Variants in WSCD1 observed in about 807,000 individuals in gnomAD.
WSCD1 encodes the protein WSC domain sialate O sulfotransferase 1.
In WSCD1, 41 loss-of-function variants were observed where a neutral mutation model predicts 60.4. The observed-to-expected ratio is 0.68, with a 90% CI of 0.53 to 0.88. The LOEUF is 0.88. Among genes scored for constraint, WSCD1 ranks in the 40% least tolerant of loss-of-function variants. The pLI, the probability that WSCD1 is intolerant of heterozygous loss-of-function variation, is 0.00. For missense variants in WSCD1, 784 were observed against 796.2 expected, an observed-to-expected ratio of 0.98 and a Z score of 0.18; for synonymous variants, 361 against 332.5, an observed-to-expected ratio of 1.09 and a Z score of -0.93.
chr17:6,110,037 G>T lies in WSCD1; in HGVS notation c.1009+271G>T, dbSNP rs976893016. 6.6e-6 allele frequency among the ~76,000 whole-genome samples: 1 copy of T among 152,180 alleles called. No individual in the cohort carries two copies. ...GATGACAATGGTAAGAGGATGAACA[G>T]AGAGGGGCAGGTCCTAGAGAGATAG... On this transcript the variant is annotated intron_variant, in intron 6 of 8. Transcript: ENST00000317744. This position sits in a 1 kb window ranked among gnomAD's most constrained non-coding sequence, Gnocchi z 4.8.
chr17:6,073,202 G>A (rs935153277), intron 1 of WSCD1, among the ~76,000 whole-genome samples: 6 of 152,232 alleles, frequency 3.9e-5, no homozygotes, highest in Admixed American at 6.5e-5. Flanking sequence ...TTGTCCACCT[G>A]TATCCAACTC....
chr17:6,094,199 A>C (rs534389349), intron 4 of WSCD1, among the ~76,000 whole-genome samples: 1 of 152,356 alleles, frequency 6.6e-6, no homozygotes, highest in South Asian at 2.1e-4. Flanking sequence ...GTTCAGCTCC[A>C]AGGAAGCCAG....
Position 6,120,519 on chromosome 17 carries a change from G to A in WSCD1, c.1586G>A (p.Arg529Gln), listed in dbSNP as rs773251981. The A allele has an allele frequency of 4.0e-5, 64 of 1,613,642 alleles. No individual in the cohort carries two copies. Among genetic ancestry groups the A allele is most frequent in the Middle Eastern group, 1.6e-4 (1 of 6,084 alleles). ...GAGAACAACAAGGAGGGCAGCTTCC[G>A]GCGGCGCGGCCGGCGCTCCCACGAC... ...CVENNKEGSF[R>Q]RRGRRSHDPE... is the part of the protein sequence containing the mutation. Residue 529 changes from arginine (R) to glutamine (Q), a missense_variant, in exon 9 of 9, where the codon CGG becomes CAG. Physicochemically the swap from Arg to Gln is conservative, Grantham distance 43. Transcript: ENST00000317744.
intron 1 of WSCD1, 120 bp downstream of exon 1, chr17:6,070,772 C>G (rs1908487670): frequency 6.6e-6 from 1 of 151,586 alleles, no homozygotes; most frequent in Non-Finnish European, 1.5e-5. Flanking sequence ...GGGGCTGCAC[C>G]TGCTCCGGCT....
chr17:6,070,409 T>TGCCCGCCCCGGCTCCGC lies in WSCD1; in HGVS notation c.-523_-507dup, dbSNP rs968911301. ...GCCCGGCGCCCGCTCGCCCGCCCGC[T>TGCCCGCCCCGGCTCCGC]GCCCGCCCCGGCTCCGCGCCCGCCC... is the stretch of plus-strand genomic sequence containing the variant. On this transcript the variant is annotated 5_prime_UTR_variant, in exon 1 of 9. Transcript: ENST00000317744. 3.4e-5 allele frequency: 5 copies of TGCCCGCCCCGGCTCCGC among 145,664 alleles called. No homozygotes were observed. The highest frequency in any genetic ancestry group is 6.8e-5 in the Admixed American group (1 of 14,644). The allele number at this position is 145,664 out of a possible 1,614,324, so 9.0% of individuals were successfully genotyped here. A position where few individuals can be genotyped will look rare whatever the true frequency, so the allele number is the denominator to read the frequency against.
Position 6,110,941 on chromosome 17 carries a change from T to C in WSCD1, c.1174+6T>C. The C allele has an allele frequency of 6.3e-7, 1 of 1,592,176 alleles. No individual in the cohort carries two copies. The highest frequency in any genetic ancestry group is 1.7e-4 in the Middle Eastern group (1 of 5,966). On this transcript the variant is annotated splice_donor_region_variant and intron_variant, in intron 7 of 8. Transcript: ENST00000317744. The surrounding 1 kb of genome is among the most constrained non-coding windows in gnomAD (Gnocchi z 4.8). ...TGGAACCCTCTACAACAAAGGTAAG[T>C]CAAAGCTACAGGGGACGATGGAAGG...
At chr17:6,091,945 A>G (rs1250814422) in intron 4 of WSCD1, among the ~76,000 whole-genome samples, 7 of 152,174 alleles carry the variant, frequency 4.6e-5, no homozygotes, top group East Asian at 3.9e-4. Flanking sequence ...TCATGAGGTC[A>G]GGAGTTCGAG....
At chr17:6,106,649 G>A (rs955506864) in intron 5 of WSCD1, among the ~76,000 whole-genome samples, 2 of 152,230 alleles carry the variant, frequency 1.3e-5, no homozygotes, top group African/African-American at 4.8e-5. Context: ...TGTCACCGAT[G>A]TGCTGCCTGT....
chr17:6,117,958 C>T (rs149640894), intron 7 of WSCD1, 30 bp from the exon 8 acceptor site: 18,494 of 1,610,998 alleles, frequency 0.011, 136 homozygotes, highest in Middle Eastern at 0.025. Context: ...ACACCATCTT[C>T]CACAGAGACC....
At chr17:6,078,921 G>A (rs1222810587) in intron 1 of WSCD1, among the ~76,000 whole-genome samples, 1 of 152,118 alleles carries the variant, frequency 6.6e-6, no homozygotes, top group Non-Finnish European at 1.5e-5. Context: ...GGGCCTGGCA[G>A]ACATATCAGC....
At chr17:6,081,238 C>T (rs1034079511) in intron 2 of WSCD1, among the ~76,000 whole-genome samples, 153 bp downstream of exon 2, 21 of 152,278 alleles carry the variant, frequency 1.4e-4, no homozygotes, top group African/African-American at 4.6e-4. Flanking sequence ...GCCTGCGATG[C>T]GAAGTCCTTC....
chr17:6,115,299 A>G (rs1387214657), intron 7 of WSCD1, among the ~76,000 whole-genome samples: 2 of 152,216 alleles, frequency 1.3e-5, no homozygotes, highest in Non-Finnish European at 1.5e-5. Context: ...AGAACCCTCA[A>G]TAATTAGGGG....
Position 6,080,325 on chromosome 17 carries a change from A to G in WSCD1, c.-288-46A>G, listed in dbSNP as rs1489130972. Reference sequence around the variant, plus strand: ...GTGTCCCAGCCTGGGAGTGCCAGGTAGTGGACCCGCCTATTACATCTCGGT... The same window carrying G: ...GTGTCCCAGCCTGGGAGTGCCAGGTGGTGGACCCGCCTATTACATCTCGGT... On this transcript the variant is annotated intron_variant, in intron 1 of 8. Coordinates refer to ENST00000317744, the MANE Select transcript of WSCD1 (RefSeq NM_015253.2). This position sits in a 1 kb window ranked among gnomAD's most constrained non-coding sequence, Gnocchi z 6.6. The G allele has an allele frequency of 1.8e-5, 6 of 341,770 alleles. No homozygotes were observed. The highest frequency in any genetic ancestry group is 8.4e-4 in the Middle Eastern group (1 of 1,192). The allele number at this position is 341,770 out of a possible 1,614,324, so 21.2% of individuals were successfully genotyped here. A position where few individuals can be genotyped will look rare whatever the true frequency, so the allele number is the denominator to read the frequency against.
chr17:6,083,581 C>T (rs1197396611), intron 2 of WSCD1, among the ~76,000 whole-genome samples: 1 of 152,146 alleles, frequency 6.6e-6, no homozygotes, highest in Non-Finnish European at 1.5e-5. Context: ...GAGTTTGAGA[C>T]CAGCCTGGCC....
In WSCD1 at chr17:6,117,516, C is replaced by T. The variant is rs1250545210; in HGVS notation, c.1175-472C>T. ...ACACACGGTGGCATGTGGAGAGAGC[C>T]CTGGCGCTGTTTTCACAGCACTGTG... On this transcript the variant is annotated intron_variant, in intron 7 of 8. Coordinates refer to ENST00000317744, the MANE Select transcript of WSCD1 (RefSeq NM_015253.2). Among the ~76,000 whole-genome samples, 4 of 152,232 alleles carry T rather than the reference C, an allele frequency of 2.6e-5. No homozygotes were observed. The East Asian group carries it at 5.8e-4, about 22-fold the overall frequency.
intron 2 of WSCD1, among the ~76,000 whole-genome samples, chr17:6,085,545 G>C (rs1355572058): frequency 3.9e-5 from 6 of 152,140 alleles, no homozygotes; most frequent in Non-Finnish European, 8.8e-5. Flanking sequence ...GCCAGATAGT[G>C]GTGGAGCCTA....
upstream of WSCD1, chr17:6,069,223 A>C: frequency 2.5e-6 from 1 of 398,738 alleles, no homozygotes; most frequent in African/African-American, 2.1e-5. Context: ...GACAGGGTCC[A>C]CCGGTGCACA....
At position 6,110,808 on chromosome 17, in the gene WSCD1, A is replaced by G. The variant is rs1597369038; in HGVS notation, c.1047A>G (p.Lys349=). Reference sequence around the variant, plus strand: ...CAGACAGGAGGTTCCTGCCTAACAAATCCAAAGTGTTTGTGGCTTTGTCAA... The same window carrying G: ...CAGACAGGAGGTTCCTGCCTAACAAGTCCAAAGTGTTTGTGGCTTTGTCAA... The part of the protein sequence containing the change: ...RCTDRRFLPN[K]SKVFVALSSF... Residue 349 remains lysine, a synonymous_variant, in exon 7 of 9, where the codon AAA becomes AAG. Coordinates refer to ENST00000317744, the MANE Select transcript of WSCD1 (RefSeq NM_015253.2). The surrounding 1 kb of genome is among the most constrained non-coding windows in gnomAD (Gnocchi z 4.8). 1 of 1,613,946 alleles carries G rather than the reference A, an allele frequency of 6.2e-7. No individual in the cohort carries two copies. Among genetic ancestry groups the G allele is most frequent in the East Asian group, 2.2e-5 (1 of 44,876 alleles).
In WSCD1 at chr17:6,090,353, C is replaced by T. The variant is rs563302278; in HGVS notation, c.575C>T (p.Ala192Val). The change falls in exon 4 of 9, where the codon GCG (alanine) becomes GTG (valine). Residue 192 changes from alanine to valine, a missense_variant. Coordinates refer to ENST00000317744, the MANE Select transcript of WSCD1 (RefSeq NM_015253.2). ...SYVYAGLEAG[A>V]ECYCGNRLPA... ...GTCTACGCCGGCTTGGAGGCCGGGG[C>T]GGAGTGTTACTGCGGGAACCGGCTG... 28 of 1,607,306 alleles carry T rather than the reference C, an allele frequency of 1.7e-5. No individual in the cohort carries two copies. In the East Asian group the frequency reaches 1.8e-4, roughly 10 times the overall value.
Sources: gnomAD v4.1 joint callset for allele counts (sites outside exome capture counted in the v4.1 genomes callset) on GRCh38, gnomAD v4.1.1 for gene constraint, Gnocchi (gnomAD v3.1) non-coding constraint, MANE v1.5 for transcripts, NCBI Gene and HGNC (gene_info 2026-07-23, HGNC 2026-07-21) for gene names.